FSTL5: variants seen among roughly 807,000 people sequenced by gnomAD.
The protein encoded by FSTL5 is follistatin-related protein 5.
Under a neutral mutation model 89.1 loss-of-function variants are expected in FSTL5, and 62 were observed. The observed-to-expected ratio is 0.70, with a 90% CI of 0.57 to 0.86. The LOEUF (loss-of-function observed/expected upper bound fraction) is 0.86. Ranked by LOEUF, FSTL5 falls within the 40% of genes least tolerant of loss-of-function variation. The pLI, the probability that FSTL5 is intolerant of heterozygous loss-of-function variation, is 0.00. For synonymous variants in FSTL5, 383 were observed against 346.2 expected (o/e 1.11, Z -1.18); for missense variants, 1,057 against 1,001.6 (o/e 1.06, Z -0.75).
chr4:161,523,360 C>A lies in FSTL5; in HGVS notation c.1313-12936G>T, dbSNP rs536559128. On this transcript the variant is annotated intron_variant, in intron 10 of 15. Transcript: ENST00000306100. ...AGGAAGGAAATGATGCTCTGTGAAC[C>A]ATAAAGGCATGAAAAATGGACAGCA... Among the ~76,000 whole-genome samples, 603 of 152,214 alleles carry A rather than the reference C, an allele frequency of 4.0e-3. 4 individuals are homozygous for A. The highest frequency in any genetic ancestry group is 0.014 in the African/African-American group (584 of 41,536).
At chr4:161,724,170 A>G (rs1000928224) in intron 6 of FSTL5, among the ~76,000 whole-genome samples, 5 of 152,144 alleles carry the variant, frequency 3.3e-5, no homozygotes, top group Admixed American at 6.5e-5. Context: ...AAAATTACAA[A>G]AATGTTTCTG....
In FSTL5 at chr4:161,455,083, T is replaced by C; in HGVS notation, c.1762A>G (p.Thr588Ala). ...TCAAATTGCTTTCCCACTGGTTGGGTGTGGATCGTGTGGTGAGGCACATTC... is the reference window on the plus strand; with the variant it reads ...TCAAATTGCTTTCCCACTGGTTGGGCGTGGATCGTGTGGTGAGGCACATTC... ...SGNVPHHTIHTQPVGKQFDRV... is the reference protein window; with the variant it reads ...SGNVPHHTIHAQPVGKQFDRV... The change falls in exon 15 of 16, where the codon ACC (threonine) becomes GCC (alanine). Residue 588 changes from threonine to alanine, a missense_variant. Thr to Ala is a moderately conservative substitution (Grantham distance 58, BLOSUM62 0). This residue lies in a region of FSTL5 where 980 missense variants were observed against 903.2 expected (regional missense o/e 1.08). Coordinates refer to ENST00000306100, the MANE Select transcript of FSTL5 (RefSeq NM_020116.5). 1 of 1,613,070 alleles carries C rather than the reference T, an allele frequency of 6.2e-7. No homozygotes were observed. The highest frequency in any genetic ancestry group is 1.1e-5 in the South Asian group (1 of 90,938).
At position 161,616,089 on chromosome 4, in the gene FSTL5, A is replaced by C. The variant is rs189156904; in HGVS notation, c.895-28514T>G. On this transcript the variant is annotated intron_variant, in intron 7 of 15. Coordinates refer to ENST00000306100, the MANE Select transcript of FSTL5 (RefSeq NM_020116.5). Reference sequence around the variant, plus strand: ...GTTTTTTTTTTCTTTTTCTTTTTTTATTTTTTCTTTTTTTGAGATGGGGTT... The same window carrying C: ...GTTTTTTTTTTCTTTTTCTTTTTTTCTTTTTTCTTTTTTTGAGATGGGGTT... Among the ~76,000 whole-genome samples the C allele has an allele frequency of 2.1e-3, 285 of 137,088 alleles. 2 individuals carry two copies. Among genetic ancestry groups the C allele is most frequent in the African/African-American group, 6.9e-3 (258 of 37,166 alleles). 89.9% of individuals were successfully genotyped at this position (137,088 alleles called of 152,430 possible). A position where few individuals can be genotyped will look rare whatever the true frequency, so the allele number is the denominator to read the frequency against.
chr4:161,980,478 T>C (rs947957248), intron 3 of FSTL5, among the ~76,000 whole-genome samples: 4 of 151,076 alleles, frequency 2.6e-5, no homozygotes, highest in Non-Finnish European at 5.9e-5. Context: ...AGCAGTTTGC[T>C]TTTTTTTTCC....
At chr4:161,410,701 A>G (rs1018762682) in intron 15 of FSTL5, among the ~76,000 whole-genome samples, 2 of 152,186 alleles carry the variant, frequency 1.3e-5, no homozygotes, top group Admixed American at 6.5e-5. Context: ...AACTTATCAA[A>G]ATCTCTAGAA....
At chr4:161,975,676 C>G (rs1278480723) in intron 3 of FSTL5, among the ~76,000 whole-genome samples, 1 of 150,634 alleles carries the variant, frequency 6.6e-6, no homozygotes, top group Non-Finnish European at 1.5e-5. Context: ...GTGGGTGCAG[C>G]GCACCAGCAT....
intron 1 of FSTL5, among the ~76,000 whole-genome samples, chr4:162,159,019 G>A (rs539646098): frequency 6.6e-6 from 1 of 152,012 alleles, no homozygotes; most frequent in Non-Finnish European, 1.5e-5. Flanking sequence ...ATTGACAGTA[G>A]AGTCACAGCA....
chr4:161,578,503 A>T (rs1271567212), intron 8 of FSTL5, among the ~76,000 whole-genome samples: 1 of 152,116 alleles, frequency 6.6e-6, no homozygotes, highest in Non-Finnish European at 1.5e-5. Context: ...TCAGACACAC[A>T]TACCTATAAT....
At chr4:161,527,879 A>G (rs28828765) in intron 10 of FSTL5, among the ~76,000 whole-genome samples, 4,057 of 150,766 alleles carry the variant, frequency 0.027, 256 homozygotes, top group African/African-American at 0.093. Context: ...ACAATAGCAA[A>G]GACTTGGAAC....
At chr4:161,879,206 T>C (rs1371234254) in intron 4 of FSTL5, among the ~76,000 whole-genome samples, 1 of 152,166 alleles carries the variant, frequency 6.6e-6, no homozygotes, top group Non-Finnish European at 1.5e-5. Flanking sequence ...TCCTGTTGGA[T>C]TTACTTTCAA....
At chr4:161,409,408 G>A (rs932515234) in intron 15 of FSTL5, among the ~76,000 whole-genome samples, 11 of 151,834 alleles carry the variant, frequency 7.2e-5, no homozygotes, top group Admixed American at 6.6e-4. Context: ...TTTTGAGATG[G>A]AGTCTTGCTC....
chr4:162,111,231 T>C lies in FSTL5; in HGVS notation c.126+40A>G, dbSNP rs376842709. ...AGAAAACTAATAGCTTAGTTTATAA[T>C]TGGCAGGCACTATGAGCAGATTCAG... On this transcript the variant is annotated intron_variant, in intron 2 of 15. Transcript: ENST00000306100. 56 of 1,473,296 alleles carry C rather than the reference T, an allele frequency of 3.8e-5. No homozygotes were observed. The African/African-American group carries it at 6.3e-4, about 17-fold the overall frequency. 91.3% of individuals were successfully genotyped at this position (1,473,296 alleles called of 1,614,324 possible). A position where few individuals can be genotyped will look rare whatever the true frequency, so the allele number is the denominator to read the frequency against.
At chr4:161,881,650 A>G (rs1579165248) in intron 4 of FSTL5, among the ~76,000 whole-genome samples, 1 of 152,088 alleles carries the variant, frequency 6.6e-6, no homozygotes, top group East Asian at 1.9e-4. Context: ...GCATTCTACT[A>G]ATAACAAGAA....
chr4:161,516,496 T>C (rs1253285707), intron 10 of FSTL5, among the ~76,000 whole-genome samples: 1 of 142,568 alleles, frequency 7.0e-6, no homozygotes, highest in Non-Finnish European at 1.5e-5. Context: ...AATTTATATG[T>C]AATTTATTAT....
At chr4:161,551,437 T>C (rs1469863047) in intron 8 of FSTL5, among the ~76,000 whole-genome samples, 1 of 151,740 alleles carries the variant, frequency 6.6e-6, no homozygotes, top group African/African-American at 2.4e-5. Flanking sequence ...GGTTGTTTGT[T>C]TTTTTCTTGT....
intron 7 of FSTL5, among the ~76,000 whole-genome samples, chr4:161,603,574 T>A (rs1257326940): frequency 6.6e-6 from 1 of 152,152 alleles, no homozygotes; most frequent in African/African-American, 2.4e-5. Context: ...GAAAATAAAG[T>A]TCTGTTATTA....
chr4:161,411,312 G>T (rs145269746), intron 15 of FSTL5, among the ~76,000 whole-genome samples: 1 of 152,020 alleles, frequency 6.6e-6, no homozygotes, highest in Non-Finnish European at 1.5e-5. Context: ...TGAGAAGGAG[G>T]AGTTCCTTCC....
chr4:161,712,068 A>G (rs1312399144), intron 6 of FSTL5, among the ~76,000 whole-genome samples: 1 of 152,140 alleles, frequency 6.6e-6, no homozygotes, highest in Non-Finnish European at 1.5e-5. Flanking sequence ...AAGAATAAGA[A>G]AAAACATGTG....
chr4:161,939,433 A>C (rs2110918943), intron 3 of FSTL5, among the ~76,000 whole-genome samples: 1 of 152,052 alleles, frequency 6.6e-6, no homozygotes, highest in South Asian at 2.1e-4. Context: ...ATTTTTATTT[A>C]AGTCCCAAAT....
Sources: gnomAD v4.1 joint callset for allele counts (sites outside exome capture counted in the v4.1 genomes callset) on GRCh38, gnomAD v4.1.1 for gene constraint, gnomAD v4.1.1 regional missense constraint, MANE v1.5 for transcripts, NCBI Gene and HGNC (gene_info 2026-07-23, HGNC 2026-07-21) for gene names.